Variants in CTNNBL1 observed in about 807,000 individuals in gnomAD.
CTNNBL1 encodes the protein catenin beta like 1.
A neutral mutation model predicts 72.7 loss-of-function variants in CTNNBL1; 31 were observed. The ratio of observed to expected loss-of-function variants is 0.43; its 90% CI spans 0.32 to 0.58. The LOEUF is 0.58. Among genes scored for constraint, CTNNBL1 ranks in the 20% least tolerant of loss-of-function variants. The pLI, the probability that CTNNBL1 is intolerant of heterozygous loss-of-function variation, is 0.08. For synonymous variants in CTNNBL1, 240 were observed against 267.3 expected, an observed-to-expected ratio of 0.90 and a Z score of 1.00; for missense variants, 534 against 725.1, an observed-to-expected ratio of 0.74 and a Z score of 3.03.
At chr20:37,738,683 A>G (rs1175287409) in intron 3 of CTNNBL1, among the ~76,000 whole-genome samples, 5 of 152,218 alleles carry the variant, frequency 3.3e-5, no homozygotes, top group African/African-American at 1.2e-4. Flanking sequence ...CAGACACTTT[A>G]AAAGAGATAT....
intron 1 of CTNNBL1, among the ~76,000 whole-genome samples, chr20:37,703,233 G>A (rs1033580896): frequency 3.3e-5 from 5 of 152,186 alleles, no homozygotes; most frequent in Non-Finnish European, 7.4e-5. Context: ...ATTAACATTC[G>A]TGTAATACTA....
At chr20:37,823,517 T>C (rs2072129942) in intron 11 of CTNNBL1, among the ~76,000 whole-genome samples, 1 of 152,128 alleles carries the variant, frequency 6.6e-6, no homozygotes, top group African/African-American at 2.4e-5. Flanking sequence ...ACTTTGCTGC[T>C]TAATGTGGGA....
chr20:37,834,577 G>A (rs2072238678), intron 11 of CTNNBL1, among the ~76,000 whole-genome samples: 1 of 152,134 alleles, frequency 6.6e-6, no homozygotes, highest in Admixed American at 6.5e-5. Flanking sequence ...GTATTTTCAG[G>A]CTTTGCATGG....
intron 10 of CTNNBL1, among the ~76,000 whole-genome samples, chr20:37,802,292 T>C (rs993075639): frequency 3.9e-5 from 6 of 152,232 alleles, no homozygotes; most frequent in African/African-American, 1.2e-4. Context: ...ATGAAATGTC[T>C]AGAATAGGCA....
chr20:37,785,462 T>A lies in CTNNBL1; in HGVS notation c.1031+6127T>A, dbSNP rs573918585. On this transcript the variant is annotated intron_variant, in intron 10 of 15. Transcript: ENST00000361383. Reference sequence around the variant, plus strand: ...GTGCTTCGTTCTTTCTTATTCTTTTTTTCTTTTGTCTTTGACTGTATTTTC... The same window carrying A: ...GTGCTTCGTTCTTTCTTATTCTTTTATTCTTTTGTCTTTGACTGTATTTTC... Among the ~76,000 whole-genome samples, 7 of 152,326 alleles carry A rather than the reference T, an allele frequency of 4.6e-5. No individual in the cohort carries two copies. The East Asian group carries it at 1.2e-3, about 25-fold the overall frequency.
At chr20:37,810,235 C>G (rs1344477983) in intron 11 of CTNNBL1, among the ~76,000 whole-genome samples, 4 of 151,926 alleles carry the variant, frequency 2.6e-5, no homozygotes, top group African/African-American at 9.7e-5. Context: ...ATCAGGCAGC[C>G]CATCTGGTGA....
chr20:37,779,688 A>G (rs2073608998), intron 10 of CTNNBL1, among the ~76,000 whole-genome samples: 1 of 152,166 alleles, frequency 6.6e-6, no homozygotes, highest in African/African-American at 2.4e-5. Context: ...TTCTGTATAT[A>G]TCACATAGAC....
At chr20:37,819,605 CT>C (rs2072087886) in intron 11 of CTNNBL1, among the ~76,000 whole-genome samples, 1 of 152,128 alleles carries the variant, frequency 6.6e-6, no homozygotes, top group Non-Finnish European at 1.5e-5. Context: ...AAATAAACCC[CT>C]TTTTAAAATG....
chr20:37,811,717 A>T (rs1366101083), intron 11 of CTNNBL1, among the ~76,000 whole-genome samples: 1 of 152,230 alleles, frequency 6.6e-6, no homozygotes, highest in Non-Finnish European at 1.5e-5. Context: ...AGACAGTGAG[A>T]CAGGATGAAT....
chr20:37,760,361 G>A (rs1247798820), intron 5 of CTNNBL1, among the ~76,000 whole-genome samples: 1 of 152,080 alleles, frequency 6.6e-6, no homozygotes, highest in Non-Finnish European at 1.5e-5. Context: ...CCTTCCACTT[G>A]CCTAGCCTTG....
chr20:37,842,381 A>G lies in CTNNBL1; in HGVS notation c.1354A>G (p.Met452Val), dbSNP rs764912985. 3 of 1,613,922 alleles carry G rather than the reference A, an allele frequency of 1.9e-6. No individual in the cohort carries two copies. Among genetic ancestry groups the G allele is most frequent in the Admixed American group, 3.3e-5 (2 of 60,008 alleles). The change falls in exon 13 of 16, where the codon ATG becomes GTG. Residue 452 changes from methionine to valine, a missense_variant. By Grantham distance (21) the Met-to-Val change is conservative (BLOSUM62 1). Transcript: ENST00000361383. ...MELHFKYLGA[M>V]QVADKKIEGE... ...GTTGCATTTTAAATATCTGGGTGCAATGCAGGTGGCGGACAAGAAGATTGA... is the reference window on the plus strand; with the variant it reads ...GTTGCATTTTAAATATCTGGGTGCAGTGCAGGTGGCGGACAAGAAGATTGA...
chr20:37,701,177 G>A (rs536880538), intron 1 of CTNNBL1, among the ~76,000 whole-genome samples: 1 of 152,216 alleles, frequency 6.6e-6, no homozygotes, highest in Non-Finnish European at 1.5e-5. Flanking sequence ...AATATTTTCT[G>A]TGTTTCTACA....
intron 10 of CTNNBL1, among the ~76,000 whole-genome samples, chr20:37,802,063 A>G (rs2122734336): frequency 6.6e-6 from 1 of 152,354 alleles, no homozygotes; most frequent in Non-Finnish European, 1.5e-5. Flanking sequence ...AATGAAACTA[A>G]GGAAACAATG....
chr20:37,736,069 A>G (rs2073168791), intron 2 of CTNNBL1, among the ~76,000 whole-genome samples: 1 of 152,216 alleles, frequency 6.6e-6, no homozygotes, highest in Non-Finnish European at 1.5e-5. Context: ...TTTCATAGGT[A>G]TTATTCCAAT....
intron 11 of CTNNBL1, among the ~76,000 whole-genome samples, chr20:37,827,799 G>A (rs546160993): frequency 4.6e-5 from 7 of 152,268 alleles, no homozygotes; most frequent in African/African-American, 1.7e-4. Flanking sequence ...TGGTCATGCA[G>A]CTTATCTCCA....
chr20:37,773,110 C>A (rs1299483977), intron 7 of CTNNBL1, among the ~76,000 whole-genome samples: 1 of 152,150 alleles, frequency 6.6e-6, no homozygotes, highest in African/African-American at 2.4e-5. Context: ...TCTTGTTACC[C>A]AGTTAAATCA....
intron 1 of CTNNBL1, among the ~76,000 whole-genome samples, chr20:37,726,459 T>C (rs771283480): frequency 5.3e-5 from 8 of 152,242 alleles, no homozygotes; most frequent in Admixed American, 1.3e-4. Flanking sequence ...TTGCTCACCA[T>C]AGGCAAGTTG....
chr20:37,731,933 G>A (rs747792736), intron 1 of CTNNBL1, among the ~76,000 whole-genome samples: 2 of 152,210 alleles, frequency 1.3e-5, no homozygotes, highest in Non-Finnish European at 2.9e-5. Flanking sequence ...ATACCCAAAA[G>A]TGGGATTGCT....
At chr20:37,790,633 G>A (rs1260539113) in intron 10 of CTNNBL1, among the ~76,000 whole-genome samples, 2 of 152,126 alleles carry the variant, frequency 1.3e-5, no homozygotes, top group Non-Finnish European at 2.9e-5. Flanking sequence ...AGTCCTCCAG[G>A]CTGGCGTTAC....
Sources: allele counts gnomAD v4.1 joint callset (sites outside exome capture counted in the v4.1 genomes callset), GRCh38; gene constraint gnomAD v4.1.1; transcripts MANE v1.5; gene names NCBI Gene and HGNC (gene_info 2026-07-23, HGNC 2026-07-21).